The following NKAIN2 variants were observed in gnomAD, a reference collection of about 807,000 sequenced individuals.
NKAIN2 encodes the protein sodium/potassium-transporting ATPase subunit beta-1-interacting protein 2.
NKAIN2 carries 14 observed loss-of-function variants against 32.6 expected under a neutral mutation model. The observed-to-expected ratio is 0.43, with a 90% CI of 0.28 to 0.67. The LOEUF (loss-of-function observed/expected upper bound fraction) is 0.67. Among genes scored for constraint, NKAIN2 ranks in the 30% least tolerant of loss-of-function variants. The probability of loss-of-function intolerance (pLI) is 0.17; values close to 1 mark genes in which losing one functional copy is unlikely to be tolerated. For synonymous variants in NKAIN2, 80 were observed against 87.2 expected, an observed-to-expected ratio of 0.92 and a Z score of 0.46; for missense variants, 198 against 258.3, an observed-to-expected ratio of 0.77 and a Z score of 1.60.
chr6:124,586,931 A>G (rs1781732730), intron 3 of NKAIN2, among the ~76,000 whole-genome samples: 1 of 152,212 alleles, frequency 6.6e-6, no homozygotes, highest in Admixed American at 6.5e-5. Flanking sequence ...GCCACACTAA[A>G]AGGAGAATGG....
intron 3 of NKAIN2, among the ~76,000 whole-genome samples, chr6:124,392,734 A>T (rs1773198110): frequency 6.6e-6 from 1 of 152,186 alleles, no homozygotes; most frequent in Non-Finnish European, 1.5e-5. Flanking sequence ...AGGGTAGAAC[A>T]ATTTAAAAGT....
intron 1 of NKAIN2, among the ~76,000 whole-genome samples, chr6:123,827,911 CATAT>C (rs768532595): frequency 1.3e-5 from 2 of 150,598 alleles, no homozygotes; most frequent in African/African-American, 4.9e-5. Flanking sequence ...ATATATATGT[CATAT>C]ATATATATGC....
At chr6:124,232,652 G>T (rs1302995171) in intron 1 of NKAIN2, among the ~76,000 whole-genome samples, 1 of 152,094 alleles carries the variant, frequency 6.6e-6, no homozygotes, top group Non-Finnish European at 1.5e-5. Context: ...GATTGAATCT[G>T]TGTATTTTGC....
At chr6:124,571,164 A>C (rs554398686) in intron 3 of NKAIN2, among the ~76,000 whole-genome samples, 1 of 152,296 alleles carries the variant, frequency 6.6e-6, no homozygotes, top group South Asian at 2.1e-4. Flanking sequence ...TGTATCTAGG[A>C]AGTAACTAGC....
intron 1 of NKAIN2, among the ~76,000 whole-genome samples, chr6:123,898,361 T>G (rs1774384174): frequency 6.6e-6 from 1 of 152,218 alleles, no homozygotes; most frequent in Non-Finnish European, 1.5e-5. Flanking sequence ...CATTCTGGTT[T>G]AGGATTTTCT....
At chr6:124,112,954 C>T (rs1000031489) in intron 1 of NKAIN2, among the ~76,000 whole-genome samples, 2 of 138,722 alleles carry the variant, frequency 1.4e-5, no homozygotes, top group East Asian at 2.0e-4. Context: ...TTCTTACTTT[C>T]ATTGGGCTCT....
At chr6:124,132,543 C>T (rs557754316) in intron 1 of NKAIN2, among the ~76,000 whole-genome samples, 101 of 152,322 alleles carry the variant, frequency 6.6e-4, no homozygotes, top group African/African-American at 2.3e-3. Context: ...ACACTGGTCC[C>T]GGGAAAGAGA....
Position 124,717,832 on chromosome 6 carries a change from G to A in NKAIN2, c.474+59446G>A, listed in dbSNP as rs145890306. On this transcript the variant is annotated intron_variant, in intron 4 of 6. Transcript: ENST00000368417. Reference sequence around the variant, plus strand: ...AGTTTAGCCCACTCTGGTTCTGCCCGTTGGTAGGTCACTATGCCTATTCTC... The same window carrying A: ...AGTTTAGCCCACTCTGGTTCTGCCCATTGGTAGGTCACTATGCCTATTCTC... 8.0e-3 allele frequency among the ~76,000 whole-genome samples: 1,213 copies of A among 152,200 alleles called. 8 individuals carry two copies. The highest frequency in any genetic ancestry group is 0.011 in the Non-Finnish European group (777 of 67,998).
chr6:123,980,669 GTCT>G (rs1340492781), intron 1 of NKAIN2, among the ~76,000 whole-genome samples: 1 of 151,774 alleles, frequency 6.6e-6, no homozygotes, highest in African/African-American at 2.4e-5. Context: ...TAAAATGAAT[GTCT>G]TATCTTTGAG....
intron 2 of NKAIN2, among the ~76,000 whole-genome samples, chr6:124,351,023 A>T (rs1030538214): frequency 1.3e-5 from 2 of 152,176 alleles, no homozygotes; most frequent in Admixed American, 1.3e-4. Context: ...ATATTTTTAA[A>T]AAAGTAACTC....
In NKAIN2 at chr6:124,319,132, A is replaced by G. The variant is rs1427290883; in HGVS notation, c.192+35990A>G. Among the ~76,000 whole-genome samples, 4 of 152,202 alleles carry G rather than the reference A, an allele frequency of 2.6e-5. No individual in the cohort carries two copies. In the South Asian group the frequency reaches 6.2e-4, roughly 24 times the overall value. ...CTCCTACCAGTCCCTAGAAGGAAGT[A>G]ATAAGCCTCAGTAAACCCATTTTAC... is the stretch of plus-strand genomic sequence containing the variant. On this transcript the variant is annotated intron_variant, in intron 2 of 6. Coordinates refer to ENST00000368417, the MANE Select transcript of NKAIN2 (RefSeq NM_001040214.3).
At chr6:124,548,467 A>G (rs1392529012) in intron 3 of NKAIN2, among the ~76,000 whole-genome samples, 1 of 152,214 alleles carries the variant, frequency 6.6e-6, no homozygotes, top group Admixed American at 6.5e-5. Context: ...AGCGTGGTGC[A>G]TGATATTCCA....
At chr6:123,902,654 C>A (rs766415806) in intron 1 of NKAIN2, among the ~76,000 whole-genome samples, 5 of 152,074 alleles carry the variant, frequency 3.3e-5, no homozygotes, top group Non-Finnish European at 5.9e-5. Flanking sequence ...AATTTAACAA[C>A]CCTGTTTGGG....
intron 4 of NKAIN2, among the ~76,000 whole-genome samples, chr6:124,694,745 TTAATC>T (rs1456787208): frequency 3.3e-5 from 5 of 152,198 alleles, no homozygotes; most frequent in Admixed American, 2.0e-4. Flanking sequence ...AAGCCATAGT[TTAATC>T]TAGTCACTTT....
At chr6:124,475,612 G>A (rs1777165377) in intron 3 of NKAIN2, among the ~76,000 whole-genome samples, 1 of 152,136 alleles carries the variant, frequency 6.6e-6, no homozygotes, top group East Asian at 1.9e-4. Flanking sequence ...GTTCTAAGGT[G>A]CTGATGGGCC....
At chr6:123,885,480 GT>G (rs1472272135) in intron 1 of NKAIN2, among the ~76,000 whole-genome samples, 3 of 151,960 alleles carry the variant, frequency 2.0e-5, no homozygotes, top group Non-Finnish European at 4.4e-5. Flanking sequence ...GATTTTGTAT[GT>G]TTTTGTTTCC....
chr6:124,761,826 G>A (rs1035951592), intron 4 of NKAIN2, among the ~76,000 whole-genome samples: 5 of 152,096 alleles, frequency 3.3e-5, no homozygotes, highest in African/African-American at 1.2e-4. Context: ...TGTTGTATTT[G>A]TCATTATAAA....
chr6:124,261,537 A>T (rs2689885), intron 1 of NKAIN2, among the ~76,000 whole-genome samples: 192 of 152,056 alleles, frequency 1.3e-3, no homozygotes, highest in African/African-American at 4.3e-3. Context: ...TAAATGGAAA[A>T]CATTCTACCA....
rs1344096867 is a variant in NKAIN2 at position 123,842,499 on chromosome 6, CT to C, written c.54+38247del. ...CAGAGGCCCTATATACAAATATAGTCTTGTTGGGGGTTAGGACTTCAACATA... is the reference window on the plus strand; with the variant it reads ...CAGAGGCCCTATATACAAATATAGTCTGTTGGGGGTTAGGACTTCAACATA... On this transcript the variant is annotated intron_variant, in intron 1 of 6. Transcript: ENST00000368417. Among the ~76,000 whole-genome samples, 3 of 152,074 alleles carry C rather than the reference CT, an allele frequency of 2.0e-5. No homozygotes were observed. The East Asian group carries it at 5.8e-4, about 29-fold the overall frequency.
Sources: allele counts gnomAD v4.1 joint callset (sites outside exome capture counted in the v4.1 genomes callset), GRCh38; gene constraint gnomAD v4.1.1; transcripts MANE v1.5; gene names NCBI Gene and HGNC (gene_info 2026-07-23, HGNC 2026-07-21).